GALNTL6: variants seen among roughly 807,000 people sequenced by gnomAD.
The protein encoded by GALNTL6 is polypeptide N-acetylgalactosaminyltransferase like 6.
A neutral mutation model predicts 73.7 loss-of-function variants in GALNTL6; 46 were observed. That is an observed-to-expected ratio of 0.62 (90% CI 0.49 to 0.80). The LOEUF is 0.80. Among genes scored for constraint, GALNTL6 ranks in the 30% least tolerant of loss-of-function variants. The pLI, the probability that GALNTL6 is intolerant of heterozygous loss-of-function variation, is 0.00. For synonymous variants in GALNTL6, 259 were observed against 263.7 expected, an observed-to-expected ratio of 0.98 and a Z score of 0.17; for missense variants, 604 against 755.0, an observed-to-expected ratio of 0.80 and a Z score of 2.34.
chr4:172,349,822 T>TAA (rs33936551), intron 5 of GALNTL6, among the ~76,000 whole-genome samples: 13,536 of 84,778 alleles, frequency 0.16, 683 homozygotes, highest in East Asian at 0.31. Flanking sequence ...CGTCTCAAAT[T>TAA]AAAAAAAAAT....
chr4:172,608,258 A>C (rs76964675), intron 5 of GALNTL6, among the ~76,000 whole-genome samples: 1 of 151,872 alleles, frequency 6.6e-6, no homozygotes, highest in East Asian at 1.9e-4. Context: ...ACTTTTTATG[A>C]TTTTAGGTTT....
chr4:172,824,008 A>C (rs1226753944), intron 7 of GALNTL6, among the ~76,000 whole-genome samples: 1 of 152,056 alleles, frequency 6.6e-6, no homozygotes, highest in Non-Finnish European at 1.5e-5. Context: ...TTCACCAAAA[A>C]TCCATGCTCG....
intron 2 of GALNTL6, among the ~76,000 whole-genome samples, chr4:171,992,165 C>T (rs1405369617): frequency 6.6e-6 from 1 of 151,990 alleles, no homozygotes; most frequent in Admixed American, 6.6e-5. Context: ...TAGATTGATG[C>T]TATTTGAATC....
intron 2 of GALNTL6, among the ~76,000 whole-genome samples, chr4:172,225,348 G>A (rs1344236238): frequency 6.6e-6 from 1 of 151,576 alleles, no homozygotes; most frequent in Non-Finnish European, 1.5e-5. Flanking sequence ...TCTTTATATT[G>A]GTCATCAGCC....
chr4:172,770,542 A>G (rs986807434), intron 5 of GALNTL6, among the ~76,000 whole-genome samples: 1 of 152,210 alleles, frequency 6.6e-6, no homozygotes, highest in African/African-American at 2.4e-5. Flanking sequence ...AGTTAAGGGT[A>G]CACAAACAAA....
At chr4:171,897,867 T>C (rs1736972671) in intron 2 of GALNTL6, among the ~76,000 whole-genome samples, 2 of 149,862 alleles carry the variant, frequency 1.3e-5, no homozygotes, top group Non-Finnish European at 3.0e-5. Flanking sequence ...GCGGAGGTTG[T>C]AGTGAGCCGA....
intron 5 of GALNTL6, among the ~76,000 whole-genome samples, chr4:172,656,328 A>G (rs909019150): frequency 6.6e-6 from 1 of 152,212 alleles, no homozygotes; most frequent in Non-Finnish European, 1.5e-5. Context: ...TCATCTGGGC[A>G]TGCTCAGATT....
At chr4:171,949,623 TA>T (rs1738808577) in intron 2 of GALNTL6, among the ~76,000 whole-genome samples, 1 of 152,074 alleles carries the variant, frequency 6.6e-6, no homozygotes, top group Admixed American at 6.6e-5. Flanking sequence ...ACAGAATAAG[TA>T]GATGAATGCA....
At chr4:172,756,368 G>C (rs1353660596) in intron 5 of GALNTL6, among the ~76,000 whole-genome samples, 1 of 152,204 alleles carries the variant, frequency 6.6e-6, no homozygotes, top group Admixed American at 6.5e-5. Context: ...TGGGGGCTGG[G>C]CGCTGTGGCT....
chr4:172,322,057 G>T (rs771425327), intron 4 of GALNTL6, among the ~76,000 whole-genome samples: 1 of 152,122 alleles, frequency 6.6e-6, no homozygotes, highest in South Asian at 2.1e-4. Context: ...AACGCCTCAA[G>T]TGAGCATTCA....
intron 2 of GALNTL6, among the ~76,000 whole-genome samples, chr4:171,837,021 G>T (rs750949580): frequency 1.9e-4 from 29 of 152,078 alleles, no homozygotes; most frequent in Non-Finnish European, 3.1e-4. Context: ...AATTACAAAG[G>T]GGAAAAGAGC....
chr4:172,875,975 A>G (rs9637710), intron 7 of GALNTL6, among the ~76,000 whole-genome samples: 76,226 of 152,000 alleles, frequency 0.5, 22,415 homozygotes, highest in East Asian at 0.9. Context: ...ACCACTGAAG[A>G]TATGGAGGCA....
chr4:172,364,890 A>C (rs991581101), intron 5 of GALNTL6, among the ~76,000 whole-genome samples: 4 of 152,224 alleles, frequency 2.6e-5, no homozygotes, highest in African/African-American at 9.6e-5. Flanking sequence ...CTCCCCAAGC[A>C]ATTTTTATTC....
intron 5 of GALNTL6, among the ~76,000 whole-genome samples, chr4:172,779,325 A>C (rs1739251101): frequency 6.6e-6 from 1 of 152,096 alleles, no homozygotes; most frequent in African/African-American, 2.4e-5. Flanking sequence ...GAAACTCTTG[A>C]CCTTCTAACA....
At chr4:172,628,879 T>G (rs568196220) in intron 5 of GALNTL6, among the ~76,000 whole-genome samples, 1 of 152,102 alleles carries the variant, frequency 6.6e-6, no homozygotes, top group Non-Finnish European at 1.5e-5. Context: ...TATTAAAAGA[T>G]TTTCAAGATC....
At chr4:171,967,713 C>T (rs1304604426) in intron 2 of GALNTL6, among the ~76,000 whole-genome samples, 4 of 152,134 alleles carry the variant, frequency 2.6e-5, no homozygotes, top group African/African-American at 9.7e-5. Flanking sequence ...TAAATTTATA[C>T]TCATTTCGTG....
chr4:171,890,768 T>G (rs893050738), intron 2 of GALNTL6, among the ~76,000 whole-genome samples: 1 of 152,144 alleles, frequency 6.6e-6, no homozygotes, highest in Non-Finnish European at 1.5e-5. Context: ...CAATGACATA[T>G]AGTCAAACTC....
At chr4:172,097,296 T>G (rs1162576598) in intron 2 of GALNTL6, among the ~76,000 whole-genome samples, 2 of 152,200 alleles carry the variant, frequency 1.3e-5, no homozygotes, top group Non-Finnish European at 2.9e-5. Flanking sequence ...CGAAGTGCTA[T>G]CTCTCAATAT....
intron 2 of GALNTL6, among the ~76,000 whole-genome samples, chr4:172,069,559 T>TATATATTAC (rs1731476029): frequency 4.7e-5 from 4 of 85,738 alleles, no homozygotes; most frequent in Non-Finnish European, 9.9e-5. Context: ...ATATATGTTA[T>TATATATTAC]ATATAACACA....
Sources: allele counts gnomAD v4.1 joint callset (sites outside exome capture counted in the v4.1 genomes callset), GRCh38; gene constraint gnomAD v4.1.1; transcripts MANE v1.5; gene names NCBI Gene and HGNC (gene_info 2026-07-23, HGNC 2026-07-21).